PNLDC1: variants seen among roughly 807,000 people sequenced by gnomAD.
PNLDC1 encodes poly(A)-specific ribonuclease PNLDC1.
A neutral mutation model predicts 82.0 loss-of-function variants in PNLDC1; 70 were observed. The ratio of observed to expected loss-of-function variants is 0.85; its 90% confidence interval spans 0.70 to 1.04. The LOEUF (loss-of-function observed/expected upper bound fraction) is 1.04. PNLDC1 is among the 50% of genes least tolerant of loss of function. The pLI is 0.00. For missense variants in PNLDC1, 631 were observed against 661.1 expected (o/e 0.95, Z 0.50); for synonymous variants, 280 against 249.3 (o/e 1.12, Z -1.16).
chr6:159,801,640 T>TA (rs1781260540), intron 3 of PNLDC1, among the ~76,000 whole-genome samples: 1 of 152,122 alleles, frequency 6.6e-6, no homozygotes, highest in Non-Finnish European at 1.5e-5. Flanking sequence ...CAGATGGGTT[T>TA]TCGTCATGTT....
At position 159,816,047 on chromosome 6, in the gene PNLDC1, A is replaced by G. The variant is rs1479319641; in HGVS notation, c.1060+14A>G. 1.3e-6 allele frequency: 2 copies of G among 1,577,448 alleles called. No homozygotes were observed. Among genetic ancestry groups the G allele is most frequent in the Non-Finnish European group, 1.7e-6 (2 of 1,161,946 alleles). ...GTGAGAAATATGGTACGTTCCCATG[A>G]GCCCATAATCCTTGCACAGTCGGCA... On this transcript the variant is annotated intron_variant, in intron 13 of 18. Transcript: ENST00000392167.
chr6:159,803,814 G>A (rs998823610), intron 4 of PNLDC1, 151 bp from the exon 5 acceptor site: 3 of 858,124 alleles, frequency 3.5e-6, no homozygotes, highest in African/African-American at 1.7e-5. Context: ...AGCACCCCCA[G>A]TGCCAATCAT....
intron 7 of PNLDC1, among the ~76,000 whole-genome samples, chr6:159,806,401 C>G (rs189602647): frequency 6.6e-6 from 1 of 152,308 alleles, no homozygotes; most frequent in Admixed American, 6.5e-5. Flanking sequence ...GCTTTTCCCC[C>G]AGCATGTGGT....
intron 11 of PNLDC1, 33 bp from the exon 12 acceptor site, chr6:159,813,568 T>C (rs1781712564): frequency 6.3e-7 from 1 of 1,582,470 alleles, no homozygotes; most frequent in South Asian, 1.1e-5. Flanking sequence ...AAAGCGCAAA[T>C]GTTTTCCTCT....
intron 15 of PNLDC1, among the ~76,000 whole-genome samples, chr6:159,817,468 T>C (rs568709074): frequency 6.6e-6 from 1 of 152,340 alleles, no homozygotes; most frequent in South Asian, 2.1e-4. Flanking sequence ...CAGCCTGGTG[T>C]GTGCTTGATT....
At chr6:159,810,304 A>G (rs531411769) in intron 10 of PNLDC1, among the ~76,000 whole-genome samples, 231 of 152,322 alleles carry the variant, frequency 1.5e-3, no homozygotes, top group Non-Finnish European at 1.6e-3. Context: ...TCAAGGGGGA[A>G]AAAATTTAAA....
chr6:159,800,534 G>A, intron 1 of PNLDC1, 151 bp downstream of exon 1: 1 of 1,317,458 alleles, frequency 7.6e-7, no homozygotes, highest in Non-Finnish European at 1.0e-6. Context: ...CCCCGGGGCG[G>A]TGGGACTTTG....
rs546492704 is a variant in PNLDC1 at position 159,805,882 on chromosome 6, A to G, written c.462-101A>G. On this transcript the variant is annotated intron_variant, in intron 6 of 18. Coordinates refer to ENST00000392167, the MANE Select transcript of PNLDC1 (RefSeq NM_001271862.2). ...GTACATTTTCTTTGTATATTGCAAC[A>G]TGAAAACCAGAGGGTTCAGAAACTG... 71 of 850,456 alleles carry G rather than the reference A, an allele frequency of 8.3e-5. 1 individual carries two copies. Among genetic ancestry groups the G allele is most frequent in the Admixed American group, 2.7e-4 (15 of 55,056 alleles). 52.7% of individuals were successfully genotyped at this position (850,456 alleles called of 1,614,324 possible).
At chr6:159,820,416 G>C (rs1157285397) in intron 18 of PNLDC1, 38 bp from the exon 19 acceptor site, 1 of 1,610,536 alleles carries the variant, frequency 6.2e-7, no homozygotes, top group Non-Finnish European at 8.5e-7. Context: ...TCGGCCTGCT[G>C]GGTGCCCCGG....
Position 159,804,013 on chromosome 6 carries a change from G to T in PNLDC1, c.297G>T (p.Gly99=), listed in dbSNP as rs1042519069. ...CNFYLFPTTF[G]ILDSEFSFQA... ...TCTATCTCTTCCCTACAACGTTTGG[G>T]ATTTTGGACTCAGAATTCTCCTTCC... Residue 99 remains glycine, a synonymous_variant, in exon 5 of 19, where the codon GGG becomes GGT. Coordinates refer to ENST00000392167, the MANE Select transcript of PNLDC1 (RefSeq NM_001271862.2). 6 of 1,613,690 alleles carry T rather than the reference G, an allele frequency of 3.7e-6. No individual in the cohort carries two copies. In the Admixed American group the frequency reaches 5.0e-5, roughly 13 times the overall value.
chr6:159,819,294 C>G lies in PNLDC1; in HGVS notation c.1474C>G (p.Leu492Val), dbSNP rs889249015. 3 of 1,614,016 alleles carry G rather than the reference C, an allele frequency of 1.9e-6. No individual in the cohort carries two copies. The Admixed American group carries it at 5.0e-5, about 27-fold the overall frequency. ...GAAGGAGTACCGGGACCACCCGACCCTGTGCATCTCCCTGTACCGCTACTG... is the reference window on the plus strand; with the variant it reads ...GAAGGAGTACCGGGACCACCCGACCGTGTGCATCTCCCTGTACCGCTACTG... ...ILKEYRDHPTLCISLYRYWRH... is the reference protein window; with the variant it reads ...ILKEYRDHPTVCISLYRYWRH... Residue 492 changes from leucine to valine, a missense_variant, in exon 18 of 19, where the codon CTG (leucine) becomes GTG (valine). Transcript: ENST00000392167. The surrounding 1 kb of genome is among the most constrained non-coding windows in gnomAD (Gnocchi z 4.6).
chr6:159,809,460 T>A (rs921159242), intron 9 of PNLDC1, among the ~76,000 whole-genome samples: 4 of 65,196 alleles, frequency 6.1e-5, no homozygotes, highest in Admixed American at 2.3e-4. Context: ...AATTTTTTTT[T>A]TTTTTTTTTT....
At chr6:159,804,779 C>T (rs1240716129) in intron 6 of PNLDC1, 142 bp downstream of exon 6, 13 of 612,754 alleles carry the variant, frequency 2.1e-5, no homozygotes, top group South Asian at 6.5e-5. Context: ...GTGCAGCTGG[C>T]GCTGCTCTCC....
intron 10 of PNLDC1, among the ~76,000 whole-genome samples, chr6:159,810,703 T>C (rs1197958045): frequency 6.6e-6 from 1 of 152,172 alleles, no homozygotes; most frequent in Non-Finnish European, 1.5e-5. Context: ...ATTACCTTAA[T>C]TGTAAGATTG....
intron 7 of PNLDC1, among the ~76,000 whole-genome samples, chr6:159,808,409 G>A (rs1033830683): frequency 1.3e-5 from 2 of 151,114 alleles, no homozygotes; most frequent in African/African-American, 4.9e-5. Flanking sequence ...ATGGGTTTTT[G>A]TTACTTAAAA....
intron 9 of PNLDC1, among the ~76,000 whole-genome samples, chr6:159,809,690 C>T (rs750061479): frequency 3.3e-5 from 5 of 152,100 alleles, no homozygotes; most frequent in Non-Finnish European, 5.9e-5. Context: ...AGAAACAGTA[C>T]GACTTCTCTG....
rs970224407 is a variant in PNLDC1 at position 159,801,866 on chromosome 6, T to C, written c.208+680T>C. Among the ~76,000 whole-genome samples the C allele has an allele frequency of 3.9e-5, 6 of 152,034 alleles. No individual in the cohort carries two copies. The East Asian group carries it at 7.7e-4, about 20-fold the overall frequency. On this transcript the variant is annotated intron_variant, in intron 3 of 18. Transcript: ENST00000392167. The stretch of plus-strand genomic sequence containing the variant: ...TTGGAGATCTTTCTGTATCGGTTCA[T>C]ACAGATCTATTTGTTGATTTAGTTA...
chr6:159,819,023 C>T lies in PNLDC1; in HGVS notation c.1335C>T (p.Ser445=), dbSNP rs767658254. 11 of 1,613,894 alleles carry T rather than the reference C, an allele frequency of 6.8e-6. No individual in the cohort carries two copies. Among genetic ancestry groups the T allele is most frequent in the African/African-American group, 2.7e-5 (2 of 74,910 alleles). ...GCGTCAAAAGGTGGCCTGGGGTCAG[C>T]GAGCAGCAAGTCTACCATAAGTTTC... ...ILSVKRWPGV[S]EQQVYHKFQN... Residue 445 remains serine, a synonymous_variant, in exon 17 of 19, where the codon AGC becomes AGT. Coordinates refer to ENST00000392167, the MANE Select transcript of PNLDC1 (RefSeq NM_001271862.2). This position sits in a 1 kb window ranked among gnomAD's most constrained non-coding sequence, Gnocchi z 4.6.
intron 6 of PNLDC1, 73 bp from the exon 7 acceptor site, chr6:159,805,910 C>A: frequency 9.1e-7 from 1 of 1,102,898 alleles, no homozygotes; most frequent in Non-Finnish European, 1.4e-6. Flanking sequence ...AGAAACTGCT[C>A]TCATGTTAAC....
Sources: gnomAD v4.1 joint callset for allele counts (sites outside exome capture counted in the v4.1 genomes callset) on GRCh38, gnomAD v4.1.1 for gene constraint, Gnocchi (gnomAD v3.1) non-coding constraint, MANE v1.5 for transcripts, NCBI Gene and HGNC (gene_info 2026-07-23, HGNC 2026-07-21) for gene names.